Variants in VAT1L observed in about 807,000 individuals in gnomAD.
VAT1L encodes putative NADPH-dependent quinone oxidoreductase VAT1L.
A neutral mutation model predicts 44.1 loss-of-function variants in VAT1L; 34 were observed. The ratio of observed to expected loss-of-function variants is 0.77; its 90% CI spans 0.59 to 1.03. The LOEUF is 1.03. Ranked by LOEUF, VAT1L falls within the 50% of genes least tolerant of loss-of-function variation. The pLI is 0.00. For missense variants in VAT1L, 615 were observed against 538.8 expected (o/e 1.14, Z -1.40); for synonymous variants, 253 against 202.2 (o/e 1.25, Z -2.13).
chr16:77,838,535 C>T (rs1018642460), intron 3 of VAT1L, among the ~76,000 whole-genome samples: 3 of 152,002 alleles, frequency 2.0e-5, no homozygotes, highest in African/African-American at 4.8e-5. Context: ...CCTGGGCGTC[C>T]GACTCCACGA....
intron 7 of VAT1L, among the ~76,000 whole-genome samples, chr16:77,915,865 C>T (rs906855992): frequency 6.6e-6 from 1 of 152,088 alleles, no homozygotes; most frequent in Non-Finnish European, 1.5e-5. Flanking sequence ...GAAAGTTAGA[C>T]GAGGAAGGGA....
intron 3 of VAT1L, among the ~76,000 whole-genome samples, chr16:77,862,506 C>T (rs2016925137): frequency 6.6e-6 from 1 of 150,968 alleles, no homozygotes; most frequent in Non-Finnish European, 1.5e-5. Context: ...GTCCCAGCTA[C>T]TTGGGAGGCT....
At chr16:77,880,675 T>C (rs1392908802) in intron 6 of VAT1L, among the ~76,000 whole-genome samples, 1 of 150,392 alleles carries the variant, frequency 6.6e-6, no homozygotes, top group Non-Finnish European at 1.5e-5. Flanking sequence ...GGGTATTGTA[T>C]GATGCTGAAG....
rs17625912 is a variant in VAT1L at position 77,882,854 on chromosome 16, T to G, written c.883-1754T>G. Among the ~76,000 whole-genome samples, 592 of 152,326 alleles carry G rather than the reference T, an allele frequency of 3.9e-3. 7 individuals are homozygous for G. Among genetic ancestry groups the G allele is most frequent in the East Asian group, 0.022 (112 of 5,184 alleles). On this transcript the variant is annotated intron_variant, in intron 6 of 8. Coordinates refer to ENST00000302536, the MANE Select transcript of VAT1L (RefSeq NM_020927.3). ...TTTGGATGTAAGGAATACGTTAAGT[T>G]ATTTAGTGATTTCCAAACCACATGC...
intron 7 of VAT1L, among the ~76,000 whole-genome samples, chr16:77,930,094 C>T (rs1054637697): frequency 6.6e-6 from 1 of 152,224 alleles, no homozygotes; most frequent in Admixed American, 6.5e-5. Flanking sequence ...CCTTCCAGCC[C>T]AAACTTCGTA....
At chr16:77,966,426 AG>A (rs2018222978) in intron 7 of VAT1L, among the ~76,000 whole-genome samples, 1 of 152,090 alleles carries the variant, frequency 6.6e-6, no homozygotes, top group South Asian at 2.1e-4. Context: ...GCTCAGGACC[AG>A]GGCACTCCAG....
At chr16:77,852,205 C>T (rs2016815061) in intron 3 of VAT1L, among the ~76,000 whole-genome samples, 1 of 152,252 alleles carries the variant, frequency 6.6e-6, no homozygotes, top group South Asian at 2.1e-4. Context: ...ACTGACCTCT[C>T]TCTCTCAGCT....
intron 7 of VAT1L, among the ~76,000 whole-genome samples, chr16:77,899,927 A>G (rs1266048080): frequency 1.3e-5 from 2 of 152,284 alleles, no homozygotes; most frequent in Middle Eastern, 3.4e-3. Flanking sequence ...TTAGGCTCCA[A>G]TTTCATTGCA....
intron 7 of VAT1L, among the ~76,000 whole-genome samples, chr16:77,930,467 G>T (rs1405680584): frequency 6.6e-6 from 1 of 152,192 alleles, no homozygotes; most frequent in African/African-American, 2.4e-5. Context: ...GCAGTGGCAG[G>T]TAAGACTGGT....
At chr16:77,865,838 CT>C (rs1428196263) in intron 4 of VAT1L, among the ~76,000 whole-genome samples, 1 of 152,140 alleles carries the variant, frequency 6.6e-6, no homozygotes, top group Admixed American at 6.5e-5. Context: ...GATGGCATCT[CT>C]TCTGAAAAAG....
chr16:77,816,816 G>T, intron 1 of VAT1L, 105 bp from the exon 2 acceptor site: 1 of 1,368,488 alleles, frequency 7.3e-7, no homozygotes, highest in African/African-American at 1.5e-5. Context: ...AGTGAAGAAG[G>T]GAGGGAGGAA....
chr16:77,919,953 G>C (rs968469557), intron 7 of VAT1L, among the ~76,000 whole-genome samples: 2 of 152,068 alleles, frequency 1.3e-5, no homozygotes, highest in African/African-American at 2.4e-5. Flanking sequence ...GTATGGTGGT[G>C]GGTGCCTGTA....
chr16:77,830,978 C>T (rs2145251376), intron 3 of VAT1L, among the ~76,000 whole-genome samples: 1 of 152,378 alleles, frequency 6.6e-6, no homozygotes, highest in African/African-American at 2.4e-5. Context: ...GCCACCGCAT[C>T]TGGCCAAACC....
chr16:77,799,745 C>T (rs1597163666), intron 1 of VAT1L, among the ~76,000 whole-genome samples: 1 of 152,108 alleles, frequency 6.6e-6, no homozygotes, highest in Admixed American at 6.5e-5. Context: ...GGTCCATTCC[C>T]TCTCCTGTGA....
chr16:77,805,790 C>T (rs2016145191), intron 1 of VAT1L, among the ~76,000 whole-genome samples: 1 of 151,440 alleles, frequency 6.6e-6, no homozygotes, highest in Admixed American at 6.6e-5. Flanking sequence ...CATAGATTTT[C>T]CCCAAGCAGT....
In VAT1L at chr16:77,884,902, G is replaced by C; in HGVS notation, c.1077+100G>C. 1.5e-6 allele frequency: 2 copies of C among 1,343,390 alleles called. No individual in the cohort carries two copies. Among genetic ancestry groups the C allele is most frequent in the Non-Finnish European group, 2.0e-6 (2 of 1,020,510 alleles). 83.2% of individuals were successfully genotyped at this position (1,343,390 alleles called of 1,614,324 possible). On this transcript the variant is annotated intron_variant, in intron 7 of 8. Transcript: ENST00000302536. This position sits in a 1 kb window ranked among gnomAD's most constrained non-coding sequence, Gnocchi z 4.5. ...CTTCTACTAAATGATTTTTTTCCCA[G>C]ATGGGTTTGTTTTAAATGAGGGTCC...
intron 7 of VAT1L, among the ~76,000 whole-genome samples, chr16:77,952,470 C>G (rs903253016): frequency 6.6e-6 from 1 of 152,100 alleles, no homozygotes; most frequent in Admixed American, 6.6e-5. Flanking sequence ...ACCACCACCC[C>G]TCGCCTGCAT....
rs199786602 is a variant in VAT1L at position 77,788,785 on chromosome 16, C to T, written c.103C>T (p.Arg35Cys). ...GGGCGGCGGCGGCGACGGCTCGCAC[C>T]GCCTCGGGGACGCCCAGGAGATGCG... ...AEGGGGDGSHRLGDAQEMRAV... is the reference protein window; with the variant it reads ...AEGGGGDGSHCLGDAQEMRAV... Residue 35 changes from arginine (R) to cysteine (C), a missense_variant, in exon 1 of 9, where the codon CGC (arginine) becomes TGC (cysteine). Coordinates refer to ENST00000302536, the MANE Select transcript of VAT1L (RefSeq NM_020927.3). 1.9e-6 allele frequency: 3 copies of T among 1,565,766 alleles called. No individual in the cohort carries two copies. The highest frequency in any genetic ancestry group is 1.9e-5 in the Admixed American group (1 of 51,752).
rs116855912 is a variant in VAT1L, at chr16:77,970,624, C to T, written c.1078-1226C>T. On this transcript the variant is annotated intron_variant, in intron 7 of 8. Coordinates refer to ENST00000302536, the MANE Select transcript of VAT1L (RefSeq NM_020927.3). ...CTTAATCATCCCCTTATCTCTGGGA[C>T]ATATAAGTTGCTTCAATGTTCTGCC... 7.6e-3 allele frequency among the ~76,000 whole-genome samples: 1,164 copies of T among 152,290 alleles called. 26 individuals are homozygous for T. Among genetic ancestry groups the T allele is most frequent in the Admixed American group, 0.04 (612 of 15,296 alleles).
Sources: allele counts gnomAD v4.1 joint callset (sites outside exome capture counted in the v4.1 genomes callset), GRCh38; gene constraint gnomAD v4.1.1; non-coding constraint Gnocchi (gnomAD v3.1); transcripts MANE v1.5; gene names NCBI Gene and HGNC (gene_info 2026-07-23, HGNC 2026-07-21).